SPTA1: variants seen among roughly 807,000 people sequenced by gnomAD.
The protein encoded by SPTA1 is spectrin alpha chain, erythrocytic 1.
A neutral mutation model predicts 324.7 loss-of-function variants in SPTA1; 177 were observed. The observed-to-expected ratio is 0.55, with a 90% CI of 0.48 to 0.62. SPTA1 has a LOEUF of 0.62. SPTA1 is among the 20% of genes least tolerant of loss of function. The probability of loss-of-function intolerance (pLI) is 0.00; values close to 1 mark genes in which losing one functional copy is unlikely to be tolerated. For synonymous variants in SPTA1, 1,195 were observed against 1,041.3 expected (o/e 1.15, Z -2.84); for missense variants, 3,162 against 2,883.6 (o/e 1.10, Z -2.21).
chr1:158,613,017 C>A, intron 50 of SPTA1, 56 bp from the exon 51 acceptor site: 1 of 1,575,580 alleles, frequency 6.3e-7, no homozygotes, highest in South Asian at 1.1e-5. Context: ...AGGAAGTCCC[C>A]TTTTTAATCC....
intron 4 of SPTA1, 122 bp from the exon 5 acceptor site, chr1:158,680,851 G>T: frequency 7.6e-7 from 1 of 1,322,972 alleles, no homozygotes; most frequent in Non-Finnish European, 1.1e-6. Flanking sequence ...GGGAGACTGG[G>T]AGAAGCTCTC....
rs1362779098 is a variant in SPTA1, at chr1:158,626,903, T to C, written c.5769A>G (p.Gln1923=). The C allele has an allele frequency of 2.5e-6, 4 of 1,613,922 alleles. No homozygotes were observed. The highest frequency in any genetic ancestry group is 1.3e-5 in the African/African-American group (1 of 75,036). The part of the protein sequence containing the change: ...LAKAIAAWKL[Q]LEDDYAFQEF... ...CCTGAAAGGCATAATCGTCTTCCAA[T>C]TGCAACTTCCAAGCAGCTATTGCCT... Residue 1923 remains glutamine, a synonymous_variant, in exon 41 of 52, where the codon CAA becomes CAG. Transcript: ENST00000643759.
rs1452247860 is a variant in SPTA1, at chr1:158,639,787, A to C, written c.4875+83T>G. On this transcript the variant is annotated intron_variant, in intron 34 of 51. Coordinates refer to ENST00000643759, the MANE Select transcript of SPTA1 (RefSeq NM_003126.4). ...CCCAAACTTTTCCCAGGAAAATTCAAGGAAATTGCCCATGGGTAAATTCAT... is the reference window on the plus strand; with the variant it reads ...CCCAAACTTTTCCCAGGAAAATTCACGGAAATTGCCCATGGGTAAATTCAT... The C allele has an allele frequency of 1.9e-6, 3 of 1,612,600 alleles. No homozygotes were observed. The African/African-American group carries it at 4.0e-5, about 22-fold the overall frequency.
chr1:158,669,835 A>AAG, intron 12 of SPTA1, 49 bp from the exon 13 acceptor site: 1 of 1,583,510 alleles, frequency 6.3e-7, no homozygotes, highest in Non-Finnish European at 8.7e-7. Flanking sequence ...GTGACCACTG[A>AAG]GTAAGTGGCC....
chr1:158,621,890 G>T (rs935399010), intron 43 of SPTA1, among the ~76,000 whole-genome samples: 3 of 152,182 alleles, frequency 2.0e-5, no homozygotes, highest in Admixed American at 6.5e-5. Context: ...TTGAGATGGA[G>T]TCTTGCTCTG....
At chr1:158,642,576 T>C (rs771607982) in intron 32 of SPTA1, 34 bp from the exon 33 acceptor site, 8 of 1,612,022 alleles carry the variant, frequency 5.0e-6, no homozygotes, top group Admixed American at 1.7e-5. Flanking sequence ...TTATATTATC[T>C]TTTTATTTAT....
At chr1:158,623,496 G>C (rs1650057583) in intron 42 of SPTA1, among the ~76,000 whole-genome samples, 1 of 152,112 alleles carries the variant, frequency 6.6e-6, no homozygotes, top group Non-Finnish European at 1.5e-5. Flanking sequence ...TCATGGGAGG[G>C]AGCCAGTGGG....
chr1:158,652,341 C>T (rs1652503873), intron 23 of SPTA1, 126 bp downstream of exon 23: 1 of 1,089,212 alleles, frequency 9.2e-7, no homozygotes, highest in Non-Finnish European at 1.4e-6. Flanking sequence ...ATCTCAGCCA[C>T]AGAGTTGCCA....
intron 42 of SPTA1, among the ~76,000 whole-genome samples, chr1:158,624,226 C>T (rs1650115567): frequency 6.6e-6 from 1 of 152,186 alleles, no homozygotes. Context: ...ACAGAGCCCT[C>T]ACTGGGGTAC....
chr1:158,628,556 A>G (rs1256916105), intron 39 of SPTA1, among the ~76,000 whole-genome samples: 1 of 152,182 alleles, frequency 6.6e-6, no homozygotes, highest in African/African-American at 2.4e-5. Context: ...GGACTACATT[A>G]TATATTATGA....
intron 39 of SPTA1, among the ~76,000 whole-genome samples, chr1:158,630,373 T>C (rs1650590838): frequency 6.6e-6 from 1 of 151,932 alleles, no homozygotes; most frequent in Admixed American, 6.6e-5. Context: ...TTGACAAGGG[T>C]GCCAAAAATA....
chr1:158,640,399 C>A (rs1350866725), intron 33 of SPTA1, among the ~76,000 whole-genome samples: 1 of 152,066 alleles, frequency 6.6e-6, no homozygotes, highest in Non-Finnish European at 1.5e-5. Flanking sequence ...GTGCAACAAT[C>A]AGAGGGAAGA....
At chr1:158,639,804 T>C in intron 34 of SPTA1, 66 bp downstream of exon 34, 1 of 1,612,862 alleles carries the variant, frequency 6.2e-7, no homozygotes, top group Non-Finnish European at 8.5e-7. Context: ...TGCCCATGGG[T>C]AAATTCATTT....
chr1:158,651,905 C>T (rs1225454177), intron 23 of SPTA1, among the ~76,000 whole-genome samples: 2 of 147,834 alleles, frequency 1.4e-5, no homozygotes, highest in South Asian at 2.1e-4. Context: ...CTCTCTCTCT[C>T]TCTCTGTGTG....
rs777908457 is a variant in SPTA1 at position 158,686,554 on chromosome 1, T to C, written c.-37A>G. On this transcript the variant is annotated 5_prime_UTR_variant, in exon 1 of 52. Transcript: ENST00000643759. ...GTTTAGAACCTGGCAAGATAAAATG[T>C]GTCAGAGAGAGAGAGAGAGAGAAAT... is the stretch of plus-strand genomic sequence containing the variant. 113 of 1,443,698 alleles carry C rather than the reference T, an allele frequency of 7.8e-5. No homozygotes were observed. The highest frequency in any genetic ancestry group is 9.7e-5 in the Non-Finnish European group (105 of 1,079,792). The allele number at this position is 1,443,698 out of a possible 1,614,324, so 89.4% of individuals were successfully genotyped here. A position where few individuals can be genotyped will look rare whatever the true frequency, so the allele number is the denominator to read the frequency against.
rs1394716034 is a variant in SPTA1, at chr1:158,647,565, T to A, written c.3870A>T (p.Lys1290Asn). The change falls in exon 27 of 52, where the codon AAA (lysine) becomes AAT (asparagine). Residue 1290 changes from lysine to asparagine, a missense_variant. Physicochemically the swap from Lys to Asn is moderately conservative, Grantham distance 94. Transcript: ENST00000643759. ...TGGCCTTGCTGAGGAACAGGTAGAATTTCTGGGCCTCATTTAGGCTCTCCT... is the reference window on the plus strand; with the variant it reads ...TGGCCTTGCTGAGGAACAGGTAGAAATTCTGGGCCTCATTTAGGCTCTCCT... Reference protein sequence around the residue: ...DRKESLNEAQKFYLFLSKARD... With the variant: ...DRKESLNEAQNFYLFLSKARD... 1.2e-6 allele frequency: 2 copies of A among 1,613,606 alleles called. No homozygotes were observed. Among genetic ancestry groups the A allele is most frequent in the East Asian group, 2.2e-5 (1 of 44,870 alleles).
chr1:158,674,504 G>T (rs75714777), intron 9 of SPTA1, 36 bp downstream of exon 9: 39,676 of 1,614,002 alleles, frequency 0.025, 645 homozygotes, highest in South Asian at 0.056. Flanking sequence ...CAAATAACCT[G>T]CCCCCTCCTC....
intron 20 of SPTA1, among the ~76,000 whole-genome samples, chr1:158,655,174 C>T (rs1652742507): frequency 6.6e-6 from 1 of 151,872 alleles, no homozygotes; most frequent in South Asian, 2.1e-4. Flanking sequence ...GATAATTCTT[C>T]CCACTCCTTC....
intron 39 of SPTA1, among the ~76,000 whole-genome samples, chr1:158,632,468 A>G (rs943276165): frequency 3.3e-5 from 5 of 152,228 alleles, no homozygotes; most frequent in Admixed American, 6.5e-5. Flanking sequence ...AAAACAAATC[A>G]AAATGAACAA....
Sources: gnomAD v4.1 joint callset for allele counts (sites outside exome capture counted in the v4.1 genomes callset) on GRCh38, gnomAD v4.1.1 for gene constraint, MANE v1.5 for transcripts, NCBI Gene and HGNC (gene_info 2026-07-23, HGNC 2026-07-21) for gene names.